DNAH11: variants seen among roughly 807,000 people sequenced by gnomAD.
The protein encoded by DNAH11 is dynein axonemal heavy chain 11, also known as axonemal beta dynein heavy chain 11.
DNAH11 carries 442 observed loss-of-function variants against 526.0 expected under a neutral mutation model. The ratio of observed to expected loss-of-function variants is 0.84; its 90% CI spans 0.78 to 0.91. DNAH11 has a LOEUF of 0.91. DNAH11 is among the 40% of genes least tolerant of loss of function. DNAH11 has a pLI of 0.00. For synonymous variants in DNAH11, 2,461 were observed against 1,935.9 expected (o/e 1.27, Z -7.12); for missense variants, 6,989 against 5,448.7 (o/e 1.28, Z -8.90).
At chr7:21,707,943 G>T in intron 40 of DNAH11, 108 bp downstream of exon 40, 1 of 1,188,110 alleles carries the variant, frequency 8.4e-7, no homozygotes, top group South Asian at 2.1e-5. Context: ...TTTATGTGTT[G>T]GCATTATTGG....
At chr7:21,744,785 C>T in intron 50 of DNAH11, 85 bp from the exon 51 acceptor site, 2 of 1,500,406 alleles carry the variant, frequency 1.3e-6, no homozygotes, top group Non-Finnish European at 1.8e-6. Flanking sequence ...GGTCTGCAAG[C>T]TTTTCCCTTG....
intron 76 of DNAH11, among the ~76,000 whole-genome samples, chr7:21,885,553 G>A (rs1477122809): frequency 2.0e-5 from 3 of 152,042 alleles, no homozygotes; most frequent in Admixed American, 2.0e-4. Context: ...GCACAGTAGG[G>A]TAACTGTAGT....
At chr7:21,865,313 A>T (rs1315361673) in intron 70 of DNAH11, among the ~76,000 whole-genome samples, 2 of 152,158 alleles carry the variant, frequency 1.3e-5, no homozygotes, top group Admixed American at 6.5e-5. Context: ...TTATTTTTAT[A>T]TATGTTCAGC....
Position 21,704,533 on chromosome 7 carries a change from G to A in DNAH11, c.6373G>A (p.Asp2125Asn). Residue 2125 changes from aspartate to asparagine, a missense_variant, in exon 38 of 82, where the codon GAT becomes AAT. By Grantham distance (23) the Asp-to-Asn change is conservative (BLOSUM62 1). Coordinates refer to ENST00000409508, the MANE Select transcript of DNAH11 (RefSeq NM_001277115.2). ...GLVGDLFPALDVPRRRKLHFE... is the reference protein window; with the variant it reads ...GLVGDLFPALNVPRRRKLHFE... ...GGTCGGTGACCTGTTTCCAGCCCTGGATGTGCCCCGGAGGAGGAAGCTGCA... is the reference window on the plus strand; with the variant it reads ...GGTCGGTGACCTGTTTCCAGCCCTGAATGTGCCCCGGAGGAGGAAGCTGCA... The A allele has an allele frequency of 3.1e-6, 5 of 1,613,860 alleles. No homozygotes were observed. The highest frequency in any genetic ancestry group is 1.1e-5 in the South Asian group (1 of 91,062).
intron 6 of DNAH11, among the ~76,000 whole-genome samples, chr7:21,569,858 G>A (rs1397999695): frequency 6.6e-6 from 1 of 152,114 alleles, no homozygotes; most frequent in Non-Finnish European, 1.5e-5. Flanking sequence ...TCCAGAAATA[G>A]TAGGGTCTCC....
At chr7:21,821,347 G>A (rs549576006) in intron 65 of DNAH11, among the ~76,000 whole-genome samples, 29 of 152,212 alleles carry the variant, frequency 1.9e-4, no homozygotes, top group South Asian at 1.2e-3. Flanking sequence ...CGTAGATTGG[G>A]GAATATCTAT....
chr7:21,867,699 A>G (rs954826631), intron 71 of DNAH11, among the ~76,000 whole-genome samples, 160 bp from the exon 72 acceptor site: 2 of 152,244 alleles, frequency 1.3e-5, no homozygotes, highest in South Asian at 2.1e-4. Context: ...CACCTACCGC[A>G]TACATCTAGC....
At chr7:21,697,203 C>T (rs1441010165) in intron 35 of DNAH11, among the ~76,000 whole-genome samples, 2 of 152,074 alleles carry the variant, frequency 1.3e-5, no homozygotes, top group Non-Finnish European at 2.9e-5. Flanking sequence ...TCCTTCTTTG[C>T]ACTTGACTTC....
At position 21,866,570 on chromosome 7, in the gene DNAH11, A is replaced by T; in HGVS notation, c.11597A>T (p.Glu3866Val). 2.5e-6 allele frequency: 4 copies of T among 1,613,964 alleles called. No homozygotes were observed. The highest frequency in any genetic ancestry group is 3.4e-6 in the Non-Finnish European group (4 of 1,179,878). Residue 3866 changes from glutamate (E) to valine (V), a missense_variant, in exon 71 of 82, where the codon GAA (glutamate) becomes GTA (valine). Coordinates refer to ENST00000409508, the MANE Select transcript of DNAH11 (RefSeq NM_001277115.2). ...KWVESECPEK[E>V]KLPQEWKKKS... ...GTAGAATCCGAGTGTCCAGAAAAAG[A>T]AAAATTACCTCAAGAATGGAAGAAG...
At chr7:21,610,386 G>A (rs1316553230) in intron 20 of DNAH11, among the ~76,000 whole-genome samples, 2 of 152,140 alleles carry the variant, frequency 1.3e-5, no homozygotes, top group African/African-American at 4.8e-5. Flanking sequence ...AATTGAAATG[G>A]TTACAAGTAT....
intron 25 of DNAH11, among the ~76,000 whole-genome samples, chr7:21,626,170 G>A (rs1020949210): frequency 3.3e-5 from 5 of 151,914 alleles, no homozygotes; most frequent in Admixed American, 2.0e-4. Flanking sequence ...TATGAGACCC[G>A]CTTTTTAAAA....
At position 21,892,666 on chromosome 7, in the gene DNAH11, A is replaced by C. The variant is rs1298203354; in HGVS notation, c.12749A>C (p.Lys4250Thr). 5 of 1,592,078 alleles carry C rather than the reference A, an allele frequency of 3.1e-6. No individual in the cohort carries two copies. The highest frequency in any genetic ancestry group is 1.8e-5 in the Admixed American group (1 of 55,642). Residue 4250 changes from lysine (K) to threonine (T), a missense_variant and splice_region_variant, in exon 77 of 82, where the codon AAG becomes ACG. Physicochemically the swap from Lys to Thr is moderately conservative, Grantham distance 78. Transcript: ENST00000409508. ...GDELGQSTEEKVKNVLDDILE... is the reference protein window; with the variant it reads ...GDELGQSTEETVKNVLDDILE... ...GAACTGGGGCAGTCTACAGAAGAAA[A>C]GGTAGAGGGTCTTTCCTTCCTTTTC...
intron 61 of DNAH11, among the ~76,000 whole-genome samples, chr7:21,797,471 G>A (rs1191985261): frequency 2.6e-5 from 4 of 151,674 alleles, no homozygotes; most frequent in Non-Finnish European, 4.4e-5. Flanking sequence ...CGCTCGCCTC[G>A]GCCTCCCAAA....
chr7:21,817,877 T>C (rs1179864996), intron 64 of DNAH11, among the ~76,000 whole-genome samples: 1 of 152,196 alleles, frequency 6.6e-6, no homozygotes, highest in Non-Finnish European at 1.5e-5. Flanking sequence ...CATGAAACTT[T>C]ACTTAAAAAA....
intron 65 of DNAH11, among the ~76,000 whole-genome samples, chr7:21,821,372 A>G (rs1174245726): frequency 6.6e-6 from 1 of 152,174 alleles, no homozygotes; most frequent in Admixed American, 6.5e-5. Context: ...CGAAGCAGTT[A>G]TGCTATCATG....
chr7:21,816,874 G>C (rs907968602), intron 64 of DNAH11, among the ~76,000 whole-genome samples, 172 bp downstream of exon 64: 3 of 152,158 alleles, frequency 2.0e-5, no homozygotes, highest in African/African-American at 4.8e-5. Flanking sequence ...TGTTGAAAAG[G>C]CATTCTTGTT....
At chr7:21,717,287 A>G (rs1187646995) in intron 42 of DNAH11, among the ~76,000 whole-genome samples, 2 of 152,104 alleles carry the variant, frequency 1.3e-5, no homozygotes, top group Non-Finnish European at 2.9e-5. Context: ...CAGCTATCAG[A>G]TTGGAGTTAC....
chr7:21,727,079 GC>G (rs781362643), intron 45 of DNAH11, among the ~76,000 whole-genome samples: 45 of 149,854 alleles, frequency 3.0e-4, no homozygotes, highest in Non-Finnish European at 5.3e-4. Context: ...AACTACAGGT[GC>G]CCGCCACCAC....
In DNAH11 at chr7:21,749,072, T is replaced by A. The variant is rs1305832363; in HGVS notation, c.8673+330T>A. On this transcript the variant is annotated intron_variant, in intron 52 of 81. Transcript: ENST00000409508. ...GCGTATTGCTGTTAGTGTTCCTGTA[T>A]GATAGGTTGGGGAAAAAAGACACTA... 4.6e-5 allele frequency among the ~76,000 whole-genome samples: 7 copies of A among 152,130 alleles called. No homozygotes were observed. In the East Asian group the frequency reaches 7.7e-4, roughly 17 times the overall value.
Sources: gnomAD v4.1 joint callset for allele counts (sites outside exome capture counted in the v4.1 genomes callset) on GRCh38, gnomAD v4.1.1 for gene constraint, MANE v1.5 for transcripts, NCBI Gene and HGNC (gene_info 2026-07-23, HGNC 2026-07-21) for gene names.